Variants in LRRTM4 observed in about 807,000 individuals in gnomAD.
LRRTM4 encodes the protein leucine rich repeat transmembrane neuronal 4, also known as leucine-rich repeat transmembrane neuronal protein 4.
In LRRTM4, 25 loss-of-function variants were observed where a neutral mutation model predicts 47.6. That is an observed-to-expected ratio of 0.53 (90% CI 0.38 to 0.73). The LOEUF is 0.73. Ranked by LOEUF, LRRTM4 falls within the 30% of genes least tolerant of loss-of-function variation. LRRTM4 has a pLI of 0.00. For missense variants in LRRTM4, 638 were observed against 713.4 expected (o/e 0.89, Z 1.20); for synonymous variants, 311 against 269.5 (o/e 1.15, Z -1.51).
At chr2:77,328,774 G>A (rs976164367) in intron 3 of LRRTM4, among the ~76,000 whole-genome samples, 2 of 152,204 alleles carry the variant, frequency 1.3e-5, no homozygotes, top group East Asian at 1.9e-4. Context: ...TAGGGATTTC[G>A]GGCTGCACTA....
At chr2:76,925,031 A>T (rs1674545409) in intron 3 of LRRTM4, among the ~76,000 whole-genome samples, 1 of 152,084 alleles carries the variant, frequency 6.6e-6, no homozygotes, top group African/African-American at 2.4e-5. Flanking sequence ...AACATAAAAC[A>T]TGGAGAGTCG....
At chr2:77,217,069 TCA>T (rs1491118345) in intron 3 of LRRTM4, among the ~76,000 whole-genome samples, 2 of 113,536 alleles carry the variant, frequency 1.8e-5, no homozygotes, top group African/African-American at 4.3e-5. Context: ...TGAGACTCTG[TCA>T]AAAAAAAAAA....
intron 3 of LRRTM4, among the ~76,000 whole-genome samples, chr2:76,762,903 C>G (rs142753664): frequency 2.6e-5 from 4 of 152,238 alleles, no homozygotes; most frequent in Non-Finnish European, 5.9e-5. Context: ...AACATAACAT[C>G]AACAAGCTAC....
intron 3 of LRRTM4, among the ~76,000 whole-genome samples, chr2:76,894,406 T>C (rs1573269879): frequency 1.3e-5 from 2 of 152,206 alleles, no homozygotes; most frequent in East Asian, 3.9e-4. Flanking sequence ...CTAAAAGGTA[T>C]TTTCTACTTA....
At chr2:77,113,550 G>A (rs1184683134) in intron 3 of LRRTM4, among the ~76,000 whole-genome samples, 1 of 152,120 alleles carries the variant, frequency 6.6e-6, no homozygotes, top group African/African-American at 2.4e-5. Flanking sequence ...CACCTGAGAC[G>A]GAGTCAGCAT....
At chr2:76,846,497 G>A (rs531784621) in intron 3 of LRRTM4, among the ~76,000 whole-genome samples, 47 of 152,144 alleles carry the variant, frequency 3.1e-4, no homozygotes, top group Admixed American at 5.2e-4. Flanking sequence ...TCTAACATCT[G>A]TTAGAATCTT....
chr2:77,521,858 CAT>C (rs1178943332), intron 1 of LRRTM4, 40 bp from the exon 2 acceptor site: 135 of 265,616 alleles, frequency 5.1e-4, no homozygotes, highest in Admixed American at 7.8e-4. Flanking sequence ...AAAAAAAATA[CAT>C]ATATATATAT....
chr2:77,067,187 C>T (rs1679984186), intron 3 of LRRTM4, among the ~76,000 whole-genome samples: 2 of 151,958 alleles, frequency 1.3e-5, no homozygotes, highest in South Asian at 4.2e-4. Flanking sequence ...CTTAACATCA[C>T]TTTTTTTTCT....
At chr2:77,071,693 A>T (rs144829186) in intron 3 of LRRTM4, among the ~76,000 whole-genome samples, 202 of 152,352 alleles carry the variant, frequency 1.3e-3, no homozygotes, top group African/African-American at 4.7e-3. Context: ...AAACAAATCT[A>T]AATTGTTTTC....
chr2:77,406,274 C>T (rs549012205), intron 3 of LRRTM4, among the ~76,000 whole-genome samples: 1 of 152,070 alleles, frequency 6.6e-6, no homozygotes, highest in South Asian at 2.1e-4. Flanking sequence ...AGTAACCAAC[C>T]AATTAACGTG....
At chr2:77,028,851 C>A (rs1194755112) in intron 3 of LRRTM4, among the ~76,000 whole-genome samples, 1 of 151,184 alleles carries the variant, frequency 6.6e-6, no homozygotes, top group African/African-American at 2.4e-5. Flanking sequence ...CTGGCTAACA[C>A]GGTGAAACCA....
intron 3 of LRRTM4, among the ~76,000 whole-genome samples, chr2:77,477,230 C>G (rs964046795): frequency 6.6e-6 from 1 of 151,930 alleles, no homozygotes; most frequent in African/African-American, 2.4e-5. Context: ...CAAGAGCCAT[C>G]ATAGAAAGTA....
At chr2:76,938,522 G>A (rs1468330432) in intron 3 of LRRTM4, among the ~76,000 whole-genome samples, 2 of 152,108 alleles carry the variant, frequency 1.3e-5, no homozygotes, top group African/African-American at 2.4e-5. Context: ...TTTGGGAAAT[G>A]TGATTTCACT....
At chr2:77,331,117 T>C (rs545632332) in intron 3 of LRRTM4, among the ~76,000 whole-genome samples, 1 of 152,240 alleles carries the variant, frequency 6.6e-6, no homozygotes, top group Non-Finnish European at 1.5e-5. Flanking sequence ...AAACACAACT[T>C]TAGGAATCTA....
At chr2:77,390,906 A>G (rs892173961) in intron 3 of LRRTM4, among the ~76,000 whole-genome samples, 1 of 151,726 alleles carries the variant, frequency 6.6e-6, no homozygotes, top group African/African-American at 2.4e-5. Context: ...ATTGTTAGAG[A>G]AATAAAAAGT....
intron 3 of LRRTM4, among the ~76,000 whole-genome samples, chr2:77,511,231 T>C (rs959618141): frequency 1.1e-4 from 16 of 152,064 alleles, no homozygotes; most frequent in Admixed American, 9.2e-4. Context: ...TTGAGACAAT[T>C]CATATAAACT....
intron 3 of LRRTM4, among the ~76,000 whole-genome samples, chr2:76,780,071 TG>T (rs1427993420): frequency 2.0e-5 from 3 of 151,918 alleles, no homozygotes; most frequent in African/African-American, 7.3e-5. Flanking sequence ...CTTTTCTTTA[TG>T]AATGTTGAAT....
chr2:77,342,112 T>C (rs1671393531), intron 3 of LRRTM4, among the ~76,000 whole-genome samples: 1 of 151,980 alleles, frequency 6.6e-6, no homozygotes, highest in African/African-American at 2.4e-5. Flanking sequence ...ACTATACCAA[T>C]ACACTCTGCT....
chr2:76,990,229 G>C (rs1676955218), intron 3 of LRRTM4, among the ~76,000 whole-genome samples: 1 of 151,682 alleles, frequency 6.6e-6, no homozygotes, highest in Admixed American at 6.6e-5. Flanking sequence ...TTTCTAAAAA[G>C]ACGGTGGGAA....
Sources: allele counts gnomAD v4.1 joint callset (sites outside exome capture counted in the v4.1 genomes callset), GRCh38; gene constraint gnomAD v4.1.1; transcripts MANE v1.5; gene names NCBI Gene and HGNC (gene_info 2026-07-23, HGNC 2026-07-21).